The following METTL24 variants were observed in gnomAD, a reference collection of about 807,000 sequenced individuals.
METTL24 encodes the protein probable methyltransferase-like protein 24.
In METTL24, 29 loss-of-function variants were observed where a neutral mutation model predicts 32.7. The observed-to-expected ratio is 0.89, with a 90% CI of 0.66 to 1.21. The LOEUF (loss-of-function observed/expected upper bound fraction) is 1.21. Among genes scored for constraint, METTL24 ranks in the 50% most tolerant of loss-of-function variants. The pLI, the probability that METTL24 is intolerant of heterozygous loss-of-function variation, is 0.00. For synonymous variants in METTL24, 163 were observed against 179.5 expected (o/e 0.91, Z 0.73); for missense variants, 439 against 468.1 (o/e 0.94, Z 0.57).
intron 4 of METTL24, among the ~76,000 whole-genome samples, chr6:110,246,480 C>T (rs746034832): frequency 5.3e-5 from 8 of 152,134 alleles, no homozygotes; most frequent in South Asian, 2.1e-4. Context: ...ATGGGGGTCT[C>T]GATATGTTGC....
At chr6:110,303,498 C>T (rs1025792342) in intron 3 of METTL24, among the ~76,000 whole-genome samples, 1 of 152,206 alleles carries the variant, frequency 6.6e-6, no homozygotes, top group Non-Finnish European at 1.5e-5. Context: ...TCTGCCATTA[C>T]TGAGGCTTAA....
chr6:110,298,275 C>A (rs963366615), intron 4 of METTL24, among the ~76,000 whole-genome samples: 1 of 152,182 alleles, frequency 6.6e-6, no homozygotes, highest in Non-Finnish European at 1.5e-5. Context: ...ACAGTTAGCT[C>A]GGGTATACTA....
intron 3 of METTL24, among the ~76,000 whole-genome samples, chr6:110,302,912 G>A (rs897145868): frequency 1.3e-5 from 2 of 152,104 alleles, no homozygotes; most frequent in African/African-American, 4.8e-5. Context: ...ACAGCTCCCA[G>A]CAAGACCAAT....
At chr6:110,247,043 T>C (rs2334322) in intron 4 of METTL24, among the ~76,000 whole-genome samples, 3 of 151,890 alleles carry the variant, frequency 2.0e-5, no homozygotes, top group African/African-American at 4.8e-5. Context: ...AAGAGGATTG[T>C]AATATCAATA....
intron 2 of METTL24, among the ~76,000 whole-genome samples, chr6:110,319,483 T>C (rs551417239): frequency 6.7e-6 from 1 of 150,046 alleles, no homozygotes; most frequent in South Asian, 2.1e-4. Flanking sequence ...AAAACAGGCT[T>C]TAAAACATAT....
chr6:110,246,116 T>TG lies in METTL24; in HGVS notation c.930dup (p.Ser311GlnfsTer30). On this transcript the variant is annotated frameshift_variant, in exon 5 of 5. Coordinates refer to ENST00000338882, the MANE Select transcript of METTL24 (RefSeq NM_001123364.3). LOFTEE classifies it high-confidence loss of function. ...CTGTACCAGAACCGCACAACGCTGCTGTCACTGCCACTGACCTCAAACCCA... is the reference window on the plus strand; with the variant it reads ...CTGTACCAGAACCGCACAACGCTGCTGGTCACTGCCACTGACCTCAAACCCA... 1.9e-6 allele frequency: 3 copies of TG among 1,614,218 alleles called. No homozygotes were observed. Among genetic ancestry groups the TG allele is most frequent in the Non-Finnish European group, 2.5e-6 (3 of 1,180,040 alleles).
Position 110,315,368 on chromosome 6 carries a change from G to C in METTL24, c.531C>G (p.Asn177Lys). ...CTAAGGAGTAGAGGCGGCACTGCTT[G>C]TTGCGGATTTGATGAGCTAAATTGA... ...DRFNLAHQIR[N>K]KQCRLYSLGL... The change falls in exon 3 of 5, where the codon AAC becomes AAG. Residue 177 changes from asparagine (N) to lysine (K), a missense_variant. Transcript: ENST00000338882. 1.9e-6 allele frequency: 3 copies of C among 1,614,198 alleles called. No individual in the cohort carries two copies. Among genetic ancestry groups the C allele is most frequent in the Non-Finnish European group, 2.5e-6 (3 of 1,180,026 alleles).
chr6:110,337,129 G>C (rs959741016), intron 1 of METTL24, among the ~76,000 whole-genome samples: 1 of 152,184 alleles, frequency 6.6e-6, no homozygotes, highest in Admixed American at 6.5e-5. Flanking sequence ...CAGGAACATA[G>C]ATGGAGCTGG....
chr6:110,304,141 C>G (rs537868827), intron 3 of METTL24, among the ~76,000 whole-genome samples: 2 of 152,034 alleles, frequency 1.3e-5, no homozygotes, highest in African/African-American at 2.4e-5. Context: ...AAAGGAAGAC[C>G]GGGCAAAAAC....
chr6:110,350,613 T>C (rs1002364976), intron 1 of METTL24, among the ~76,000 whole-genome samples: 3 of 151,886 alleles, frequency 2.0e-5, no homozygotes, highest in African/African-American at 7.3e-5. Flanking sequence ...TACTGATACT[T>C]ACGTTCTCTA....
At position 110,243,988 on chromosome 6, in the gene METTL24, G is replaced by GATTA. The variant is rs927265316; in HGVS notation, c.*1957_*1958insTAAT. On this transcript the variant is annotated 3_prime_UTR_variant, in exon 5 of 5. Coordinates refer to ENST00000338882, the MANE Select transcript of METTL24 (RefSeq NM_001123364.3). ...AATAGAATTTTAGAAAATTATGCACGTGTTTAATCCTGTAAATAGTAATGA... is the reference window on the plus strand; with the variant it reads ...AATAGAATTTTAGAAAATTATGCACGATTATGTTTAATCCTGTAAATAGTAATGA... 3.0e-4 allele frequency among the ~76,000 whole-genome samples: 46 copies of GATTA among 152,228 alleles called. 1 individual carries two copies. The highest frequency in any genetic ancestry group is 2.5e-3 in the Admixed American group (38 of 15,278).
intron 4 of METTL24, among the ~76,000 whole-genome samples, chr6:110,249,870 C>T (rs1359801139): frequency 6.6e-6 from 1 of 152,022 alleles, no homozygotes; most frequent in Non-Finnish European, 1.5e-5. Flanking sequence ...GGTGAAACAA[C>T]TTAATTGGTA....
chr6:110,270,573 C>G (rs966919718), intron 4 of METTL24, among the ~76,000 whole-genome samples: 3 of 152,084 alleles, frequency 2.0e-5, no homozygotes, highest in Admixed American at 6.6e-5. Context: ...AAAGAGAGCT[C>G]TGAATTTAGT....
At chr6:110,280,450 C>T (rs1177363725) in intron 4 of METTL24, among the ~76,000 whole-genome samples, 1 of 151,990 alleles carries the variant, frequency 6.6e-6, no homozygotes, top group Non-Finnish European at 1.5e-5. Flanking sequence ...TATTAAAGAG[C>T]AAATATGTTG....
intron 4 of METTL24, among the ~76,000 whole-genome samples, chr6:110,284,309 A>C (rs901992974): frequency 1.3e-5 from 2 of 152,170 alleles, no homozygotes; most frequent in African/African-American, 4.8e-5. Context: ...TGTACTTAAC[A>C]CTACTGAACT....
Position 110,245,968 on chromosome 6 carries a change from C to A in METTL24, c.1079G>T (p.Trp360Leu). The A allele has an allele frequency of 6.2e-7, 1 of 1,612,538 alleles. No homozygotes were observed. Among genetic ancestry groups the A allele is most frequent in the South Asian group, 1.1e-5 (1 of 90,832 alleles). Residue 360 changes from tryptophan (W) to leucine (L), a missense_variant, in exon 5 of 5, where the codon TGG becomes TTG. Coordinates refer to ENST00000338882, the MANE Select transcript of METTL24 (RefSeq NM_001123364.3). Reference protein sequence around the residue: ...FNASSCYTLSWVNTRWK With the variant: ...FNASSCYTLSLVNTRWK The stretch of plus-strand genomic sequence containing the variant: ...ATCCTATTTCCATCTTGTATTCACC[C>A]AACTCAGAGTATAACAGCTACTTGC...
At chr6:110,320,220 A>G (rs1342430867) in intron 2 of METTL24, among the ~76,000 whole-genome samples, 1 of 152,204 alleles carries the variant, frequency 6.6e-6, no homozygotes, top group Non-Finnish European at 1.5e-5. Context: ...TGGATTTTGC[A>G]TTAGTACCTT....
chr6:110,280,649 CT>C lies in METTL24; in HGVS notation c.786+18272del, dbSNP rs1194713914. ...GAGAAAAGTGTGGAAGCAGAGATTTCTTTTTTTTTTTTCTTTTTTTTTGAGG... is the reference window on the plus strand; with the variant it reads ...GAGAAAAGTGTGGAAGCAGAGATTTCTTTTTTTTTTTCTTTTTTTTTGAGG... On this transcript the variant is annotated intron_variant, in intron 4 of 4. Transcript: ENST00000338882. Among the ~76,000 whole-genome samples, 649 of 143,512 alleles carry C rather than the reference CT, an allele frequency of 4.5e-3. 4 individuals carry two copies. The highest frequency in any genetic ancestry group is 0.014 in the African/African-American group (561 of 39,390). The allele number at this position is 143,512 out of a possible 152,430, so 94.1% of individuals were successfully genotyped here.
Position 110,358,309 on chromosome 6 carries a change from C to A in METTL24, c.-37G>T. ...CGGGGTCCCGCGGGCCGCGCCTGGC[C>A]GGCAGCAGGGATGTAGCCCCACAGG... On this transcript the variant is annotated 5_prime_UTR_variant, in exon 1 of 5. Transcript: ENST00000338882. 2 of 1,401,290 alleles carry A rather than the reference C, an allele frequency of 1.4e-6. No homozygotes were observed. The highest frequency in any genetic ancestry group is 2.9e-5 in the Admixed American group (1 of 34,850). 86.8% of individuals were successfully genotyped at this position (1,401,290 alleles called of 1,614,324 possible).
Sources: allele counts gnomAD v4.1 joint callset (sites outside exome capture counted in the v4.1 genomes callset), GRCh38; gene constraint gnomAD v4.1.1; transcripts MANE v1.5; gene names NCBI Gene and HGNC (gene_info 2026-07-23, HGNC 2026-07-21).